CAPN13: variants seen among roughly 807,000 people sequenced by gnomAD.
The protein encoded by CAPN13 is calpain-13.
CAPN13 carries 90 observed loss-of-function variants against 98.4 expected under a neutral mutation model. The ratio of observed to expected loss-of-function variants is 0.92; its 90% confidence interval spans 0.77 to 1.09. The LOEUF (loss-of-function observed/expected upper bound fraction) is 1.09. CAPN13 is among the 50% of genes least tolerant of loss of function. CAPN13 has a pLI of 0.00. For synonymous variants in CAPN13, 330 were observed against 305.5 expected, an observed-to-expected ratio of 1.08 and a Z score of -0.84; for missense variants, 887 against 841.3, an observed-to-expected ratio of 1.05 and a Z score of -0.67.
chr2:30,802,667 G>T (rs1247724289), intron 1 of CAPN13, among the ~76,000 whole-genome samples: 1 of 152,086 alleles, frequency 6.6e-6, no homozygotes, highest in Non-Finnish European at 1.5e-5. Context: ...GGGCAAGAAG[G>T]AAAGACAGAG....
intron 5 of CAPN13, among the ~76,000 whole-genome samples, chr2:30,768,064 A>G (rs1262575711): frequency 6.6e-6 from 1 of 152,178 alleles, no homozygotes; most frequent in Non-Finnish European, 1.5e-5. Context: ...CTCTGCTTTT[A>G]TCTGCTAGCA....
chr2:30,736,756 A>C, intron 17 of CAPN13, 185 bp from the exon 18 acceptor site: 1 of 594,776 alleles, frequency 1.7e-6, no homozygotes, highest in Non-Finnish European at 3.0e-6. Context: ...GATTTGTTTT[A>C]CAAAGAAAAA....
At chr2:30,757,727 A>G (rs779876698) in intron 8 of CAPN13, among the ~76,000 whole-genome samples, 5 of 152,156 alleles carry the variant, frequency 3.3e-5, no homozygotes, top group African/African-American at 4.8e-5. Context: ...ACTTTTACTA[A>G]TTCTAGGAAT....
chr2:30,741,789 A>T lies in CAPN13; in HGVS notation c.1536+119T>A, dbSNP rs1023223153. On this transcript the variant is annotated intron_variant, in intron 15 of 22. Coordinates refer to ENST00000295055, the MANE Select transcript of CAPN13 (RefSeq NM_144575.3). ...ACGATCCAGGAAGAGAGGCAGGTAA[A>T]ATAGTCCATCAAGTCACTTCTCCTC... The T allele has an allele frequency of 3.7e-5, 57 of 1,551,218 alleles. No homozygotes were observed. The East Asian group carries it at 1.0e-3, about 28-fold the overall frequency.
intron 3 of CAPN13, among the ~76,000 whole-genome samples, chr2:30,777,068 A>G (rs1217469648): frequency 6.6e-6 from 1 of 151,650 alleles, no homozygotes; most frequent in East Asian, 1.9e-4. Context: ...CTGCCCTTTC[A>G]CTCCAAGGCT....
chr2:30,799,328 G>A (rs963926775), intron 1 of CAPN13, among the ~76,000 whole-genome samples: 1 of 152,162 alleles, frequency 6.6e-6, no homozygotes, highest in Admixed American at 6.5e-5. Context: ...CTTAAACATC[G>A]GGTTTGAAGA....
At chr2:30,786,936 A>C (rs888173929) in intron 2 of CAPN13, among the ~76,000 whole-genome samples, 192 bp downstream of exon 2, 2 of 152,130 alleles carry the variant, frequency 1.3e-5, no homozygotes, top group Non-Finnish European at 2.9e-5. Flanking sequence ...AGAACTCAGG[A>C]GTCTGGGCTC....
chr2:30,763,918 A>C (rs906450056), intron 6 of CAPN13, among the ~76,000 whole-genome samples: 1 of 152,166 alleles, frequency 6.6e-6, no homozygotes, highest in African/African-American at 2.4e-5. Flanking sequence ...AGCCTCTCTG[A>C]GCCCGCCTTT....
intron 11 of CAPN13, among the ~76,000 whole-genome samples, 160 bp from the exon 12 acceptor site, chr2:30,745,894 A>ATTTTTTTTTTTTTTT (rs57880021): frequency 1.1e-5 from 1 of 92,790 alleles, no homozygotes; most frequent in Non-Finnish European, 2.0e-5. Context: ...GCCATAAAGC[A>ATTTTTTTTTTTTTTT]TTTTTTTTTT....
intron 1 of CAPN13, among the ~76,000 whole-genome samples, chr2:30,790,501 G>A (rs568737502): frequency 6.6e-6 from 1 of 152,276 alleles, no homozygotes; most frequent in Non-Finnish European, 1.5e-5. Context: ...GAGCTCATCA[G>A]TCAAGCTCAG....
intron 22 of CAPN13, among the ~76,000 whole-genome samples, chr2:30,726,514 TAAAC>T (rs1670864240): frequency 6.6e-6 from 1 of 152,158 alleles, no homozygotes; most frequent in Non-Finnish European, 1.5e-5. Flanking sequence ...TTGGAACTAA[TAAAC>T]AAGTTTAGCA....
At chr2:30,737,974 C>G in intron 17 of CAPN13, 1 of 282,932 alleles carries the variant, frequency 3.5e-6, no homozygotes. Flanking sequence ...AGGACACACA[C>G]ACACACACAC....
At chr2:30,729,309 T>G (rs965594262) in intron 22 of CAPN13, among the ~76,000 whole-genome samples, 1 of 152,262 alleles carries the variant, frequency 6.6e-6, no homozygotes, top group African/African-American at 2.4e-5. Flanking sequence ...TAGGCATTAG[T>G]GAAAGAAACT....
intron 1 of CAPN13, among the ~76,000 whole-genome samples, chr2:30,803,754 C>T (rs1675435606): frequency 6.6e-6 from 1 of 152,140 alleles, no homozygotes; most frequent in Admixed American, 6.5e-5. Flanking sequence ...ATTTGGATCT[C>T]TTTATTCACT....
rs1273185850 is a variant in CAPN13, at chr2:30,777,565, A to T, written c.271+2T>A. On this transcript the variant is annotated splice_donor_variant, in intron 3 of 22. Transcript: ENST00000295055. LOFTEE classifies it high-confidence loss of function. ...CACGGAGGGAAGATGTTGCACTCTT[A>T]CCTGCGCCTCCTTGTTGGATGTCAA... 1 of 1,571,210 alleles carries T rather than the reference A, an allele frequency of 6.4e-7. No homozygotes were observed. Among genetic ancestry groups the T allele is most frequent in the East Asian group, 2.3e-5 (1 of 43,078 alleles).
chr2:30,743,582 G>A lies in CAPN13; in HGVS notation c.1249-3C>T. ...GGTGGAAATTTCTCCCGGAACCGCTGGAATTAGAGGAAACACAATGATTGT... is the reference window on the plus strand; with the variant it reads ...GGTGGAAATTTCTCCCGGAACCGCTAGAATTAGAGGAAACACAATGATTGT... On this transcript the variant is annotated splice_polypyrimidine_tract_variant and splice_region_variant and intron_variant, in intron 12 of 22. Transcript: ENST00000295055. 2 of 1,613,818 alleles carry A rather than the reference G, an allele frequency of 1.2e-6. No individual in the cohort carries two copies. The highest frequency in any genetic ancestry group is 1.7e-6 in the Non-Finnish European group (2 of 1,179,760).
intron 21 of CAPN13, 148 bp from the exon 22 acceptor site, chr2:30,730,934 CG>C (rs1671051382): frequency 1.5e-6 from 1 of 662,316 alleles, no homozygotes; most frequent in Non-Finnish European, 2.8e-6. Context: ...GGGTACGGGG[CG>C]GGGTTGTCTC....
At position 30,742,337 on chromosome 2, in the gene CAPN13, G is replaced by C; in HGVS notation, c.1468C>G (p.Leu490Val). The C allele has an allele frequency of 6.2e-7, 1 of 1,604,516 alleles. No individual in the cohort carries two copies. The highest frequency in any genetic ancestry group is 8.5e-7 in the Non-Finnish European group (1 of 1,175,496). The change falls in exon 14 of 23, where the codon CTC (leucine) becomes GTC (valine). Residue 490 changes from leucine to valine, a missense_variant. Physicochemically the swap from Leu to Val is conservative, Grantham distance 32. Transcript: ENST00000295055. ...SDRHLSSHFN[L>V]RMKGSPSEHG... is the part of the protein sequence containing the mutation. The stretch of plus-strand genomic sequence containing the variant: ...TGCTGCATACCTACCTTCATTCTGA[G>C]GTTGAAATGGCTGCTCAGGTGCCTA...
intron 1 of CAPN13, among the ~76,000 whole-genome samples, chr2:30,794,051 G>GA (rs1002165456): frequency 4.0e-5 from 6 of 150,866 alleles, no homozygotes; most frequent in East Asian, 3.9e-4. Flanking sequence ...AGCCATACAA[G>GA]AAAAAAAATT....
Sources: gnomAD v4.1 joint callset for allele counts (sites outside exome capture counted in the v4.1 genomes callset) on GRCh38, gnomAD v4.1.1 for gene constraint, MANE v1.5 for transcripts, NCBI Gene and HGNC (gene_info 2026-07-23, HGNC 2026-07-21) for gene names.